MYO9B: variants seen among roughly 807,000 people sequenced by gnomAD.
MYO9B encodes the protein myosin IXB, also known as unconventional myosin-IXb.
Under a neutral mutation model 229.5 loss-of-function variants are expected in MYO9B, and 71 were observed. The ratio of observed to expected loss-of-function variants is 0.31; its 90% CI spans 0.26 to 0.38. MYO9B has a LOEUF of 0.38. Ranked by LOEUF, MYO9B falls within the 10% of genes least tolerant of loss-of-function variation. MYO9B has a pLI of 1.00. For synonymous variants in MYO9B, 1,185 were observed against 1,235.8 expected (o/e 0.96, Z 0.86); for missense variants, 2,255 against 2,920.5 (o/e 0.77, Z 5.25).
chr19:17,078,278 G>T (rs1230681295), intron 1 of MYO9B, among the ~76,000 whole-genome samples: 1 of 152,162 alleles, frequency 6.6e-6, no homozygotes, highest in Non-Finnish European at 1.5e-5. Context: ...GGGCCGCGGT[G>T]GCTCAGGCCT....
At chr19:17,091,909 A>G (rs1290189956) in intron 1 of MYO9B, among the ~76,000 whole-genome samples, 1 of 152,096 alleles carries the variant, frequency 6.6e-6, no homozygotes, top group Non-Finnish European at 1.5e-5. Flanking sequence ...GGGTTTCCTG[A>G]GAGTCTGCCC....
intron 2 of MYO9B, among the ~76,000 whole-genome samples, chr19:17,138,140 A>G (rs1192951383): frequency 6.6e-6 from 1 of 151,988 alleles, no homozygotes; most frequent in African/African-American, 2.4e-5. Context: ...TATGAGTGAG[A>G]ACATGTGGTG....
chr19:17,089,927 C>G (rs2057620534), intron 1 of MYO9B, among the ~76,000 whole-genome samples: 1 of 152,024 alleles, frequency 6.6e-6, no homozygotes, highest in South Asian at 2.1e-4. Flanking sequence ...GCCATCACTC[C>G]CCACTCCTCA....
intron 2 of MYO9B, among the ~76,000 whole-genome samples, chr19:17,108,095 G>A (rs2057809986): frequency 6.6e-6 from 1 of 152,154 alleles, no homozygotes; most frequent in African/African-American, 2.4e-5. Context: ...GCTCCCTCCA[G>A]CCTCCACGCC....
At chr19:17,157,968 G>A (rs1240358113) in intron 7 of MYO9B, among the ~76,000 whole-genome samples, 1 of 152,118 alleles carries the variant, frequency 6.6e-6, no homozygotes, top group Non-Finnish European at 1.5e-5. Context: ...TTCTCAGCCA[G>A]GGGCAGTTCT....
intron 1 of MYO9B, among the ~76,000 whole-genome samples, chr19:17,099,686 C>T (rs547549127): frequency 5.3e-5 from 8 of 151,564 alleles, no homozygotes; most frequent in African/African-American, 1.7e-4. Context: ...GGCGCGGTGG[C>T]GGGCGCCTGT....
rs2072832256 is a variant in MYO9B at position 17,179,557 on chromosome 19, A to G, written c.2220-1370A>G. 2.0e-5 allele frequency among the ~76,000 whole-genome samples: 3 copies of G among 149,306 alleles called. No individual in the cohort carries two copies. The South Asian group carries it at 6.4e-4, about 32-fold the overall frequency. On this transcript the variant is annotated intron_variant, in intron 14 of 39. Coordinates refer to ENST00000682292, the MANE Select transcript of MYO9B (RefSeq NM_004145.4). ...TTGTCGTGCCTCAGCCTCCGGAGTGACTGGGACTACAGGCATGCGCCACCA... is the reference window on the plus strand; with the variant it reads ...TTGTCGTGCCTCAGCCTCCGGAGTGGCTGGGACTACAGGCATGCGCCACCA...
intron 23 of MYO9B, 57 bp from the exon 24 acceptor site, chr19:17,198,127 A>G (rs2073066908): frequency 6.2e-7 from 1 of 1,606,232 alleles, no homozygotes; most frequent in Non-Finnish European, 8.5e-7. Flanking sequence ...GGGCTTCCCC[A>G]TCTAGCACAG....
chr19:17,111,594 T>C (rs1256279123), intron 2 of MYO9B, among the ~76,000 whole-genome samples: 1 of 152,140 alleles, frequency 6.6e-6, no homozygotes, highest in African/African-American at 2.4e-5. Flanking sequence ...GGCTAATTTT[T>C]TTATTTTTTG....
intron 14 of MYO9B, among the ~76,000 whole-genome samples, chr19:17,178,973 G>T (rs1262225985): frequency 1.3e-5 from 2 of 148,800 alleles, no homozygotes; most frequent in Non-Finnish European, 3.0e-5. Flanking sequence ...GGGGTTTGCA[G>T]TGAGCCGAGA....
chr19:17,154,577 A>G (rs2072517386), intron 6 of MYO9B, among the ~76,000 whole-genome samples, 162 bp downstream of exon 6: 1 of 152,202 alleles, frequency 6.6e-6, no homozygotes, highest in Non-Finnish European at 1.5e-5. Flanking sequence ...CAGCGATCAC[A>G]TGAGAAGGGG....
At chr19:17,080,487 G>C (rs1052786575) in intron 1 of MYO9B, among the ~76,000 whole-genome samples, 1 of 152,110 alleles carries the variant, frequency 6.6e-6, no homozygotes, top group Non-Finnish European at 1.5e-5. Flanking sequence ...CTGTCTCTGT[G>C]TCCAAATTTC....
At position 17,196,130 on chromosome 19, in the gene MYO9B, A is replaced by G. The variant is rs73012546; in HGVS notation, c.4046+657A>G. Reference sequence around the variant, plus strand: ...GAGGGAGGGAGGGAGAGAGAGAGAGAGGGAAGGATGTGTGGGTGGGTGGGT... The same window carrying G: ...GAGGGAGGGAGGGAGAGAGAGAGAGGGGGAAGGATGTGTGGGTGGGTGGGT... On this transcript the variant is annotated intron_variant, in intron 22 of 39. Coordinates refer to ENST00000682292, the MANE Select transcript of MYO9B (RefSeq NM_004145.4). Among the ~76,000 whole-genome samples, 364 of 62,048 alleles carry G rather than the reference A, an allele frequency of 5.9e-3. 1 individual carries two copies. The highest frequency in any genetic ancestry group is 0.043 in the Middle Eastern group (4 of 92). The allele number at this position is 62,048 out of a possible 152,430, so 40.7% of individuals were successfully genotyped here. A position where few individuals can be genotyped will look rare whatever the true frequency, so the allele number is the denominator to read the frequency against.
In MYO9B at chr19:17,210,977, C is replaced by CTTTT. The variant is rs35355662; in HGVS notation, c.5930+151_5930+154dup. ...CATCCCTAACACTGGGCAAACAACA[C>CTTTT]TTTTTTTTTTTTTTTTTTTTTTTTT... On this transcript the variant is annotated intron_variant, in intron 38 of 39. Coordinates refer to ENST00000682292, the MANE Select transcript of MYO9B (RefSeq NM_004145.4). The CTTTT allele has an allele frequency of 4.0e-3, 1,317 of 333,036 alleles. 3 individuals carry two copies. Among genetic ancestry groups the CTTTT allele is most frequent in the South Asian group, 7.9e-3 (271 of 34,156 alleles). The allele number at this position is 333,036 out of a possible 1,614,324, so 20.6% of individuals were successfully genotyped here. A position where few individuals can be genotyped will look rare whatever the true frequency, so the allele number is the denominator to read the frequency against.
intron 9 of MYO9B, 75 bp from the exon 10 acceptor site, chr19:17,162,913 G>A (rs1242212059): frequency 2.0e-6 from 3 of 1,530,320 alleles, no homozygotes; most frequent in Non-Finnish European, 2.7e-6. Context: ...AGCCTGTAGA[G>A]CCAACCCCTC....
chr19:17,080,201 G>C (rs992682843), intron 1 of MYO9B, among the ~76,000 whole-genome samples: 1 of 152,202 alleles, frequency 6.6e-6, no homozygotes, highest in Non-Finnish European at 1.5e-5. Context: ...GTATGTGCAA[G>C]AGAAGGAGCC....
rs746999322 is a variant in MYO9B at position 17,177,739 on chromosome 19, C to T, written c.2219+1998C>T. 3 of 152,500 alleles carry T rather than the reference C, an allele frequency of 2.0e-5. No individual in the cohort carries two copies. In the South Asian group the frequency reaches 6.2e-4, roughly 32 times the overall value. 9.4% of individuals were successfully genotyped at this position (152,500 alleles called of 1,614,324 possible). A position where few individuals can be genotyped will look rare whatever the true frequency, so the allele number is the denominator to read the frequency against. On this transcript the variant is annotated intron_variant, in intron 14 of 39. Coordinates refer to ENST00000682292, the MANE Select transcript of MYO9B (RefSeq NM_004145.4). ...CATCCATCTCCCCAGGGCCTGGCCA[C>T]AGGGCTGCAGGTCCCGCCCAAGGAG...
chr19:17,152,746 C>T, intron 4 of MYO9B, 40 bp downstream of exon 4: 3 of 1,538,788 alleles, frequency 1.9e-6, no homozygotes, highest in Non-Finnish European at 2.7e-6. Flanking sequence ...AATGCCACGC[C>T]ATGTCTACGT....
chr19:17,153,967 G>A lies in MYO9B; in HGVS notation c.999G>A (p.Arg333=). 6.2e-7 allele frequency: 1 copy of A among 1,613,216 alleles called. No homozygotes were observed. Among genetic ancestry groups the A allele is most frequent in the Non-Finnish European group, 8.5e-7 (1 of 1,179,272 alleles). ...SRLVSQEKDE[R]NYHVFYYLLL... ...TTTTCCTCCCAATTTTGACCTGTAG[G>A]AACTACCATGTGTTTTATTATTTGT... is the stretch of plus-strand genomic sequence containing the variant. The change falls in exon 5 of 40, where the codon AGG becomes AGA. Residue 333 remains arginine, a splice_region_variant and synonymous_variant. Transcript: ENST00000682292.
Sources: gnomAD v4.1 joint callset for allele counts (sites outside exome capture counted in the v4.1 genomes callset) on GRCh38, gnomAD v4.1.1 for gene constraint, MANE v1.5 for transcripts, NCBI Gene and HGNC (gene_info 2026-07-23, HGNC 2026-07-21) for gene names.